Variants in ZCCHC7 observed in about 807,000 individuals in gnomAD.
ZCCHC7 encodes zinc finger CCHC-type containing 7, also known as zinc finger CCHC domain-containing protein 7.
ZCCHC7 carries 35 observed loss-of-function variants against 52.0 expected under a neutral mutation model. That is an observed-to-expected ratio of 0.67 (90% CI 0.51 to 0.89). The LOEUF (loss-of-function observed/expected upper bound fraction) is 0.89. ZCCHC7 is among the 40% of genes least tolerant of loss of function. The pLI is 0.00. For missense variants in ZCCHC7, 574 were observed against 649.1 expected, an observed-to-expected ratio of 0.88 and a Z score of 1.26; for synonymous variants, 217 against 221.5, an observed-to-expected ratio of 0.98 and a Z score of 0.18.
intron 2 of ZCCHC7, among the ~76,000 whole-genome samples, chr9:37,127,574 G>C (rs1352070934): frequency 6.6e-6 from 1 of 152,146 alleles, no homozygotes; most frequent in African/African-American, 2.4e-5. Flanking sequence ...TAGTCATCTA[G>C]TCTTAATGCT....
chr9:37,257,670 A>G (rs1237627711), intron 2 of ZCCHC7, among the ~76,000 whole-genome samples: 1 of 151,936 alleles, frequency 6.6e-6, no homozygotes, highest in Non-Finnish European at 1.5e-5. Flanking sequence ...TAATAGTAAC[A>G]GACCAAATAA....
chr9:37,262,450 T>G (rs1393961693), intron 2 of ZCCHC7, among the ~76,000 whole-genome samples: 1 of 152,218 alleles, frequency 6.6e-6, no homozygotes, highest in Non-Finnish European at 1.5e-5. Context: ...TAACTTATAC[T>G]ATTATACTTC....
intron 2 of ZCCHC7, among the ~76,000 whole-genome samples, chr9:37,204,480 T>C (rs916099856): frequency 6.6e-6 from 1 of 152,208 alleles, no homozygotes; most frequent in Non-Finnish European, 1.5e-5. Flanking sequence ...AGTTAATTTT[T>C]GTATGAAGTG....
intron 2 of ZCCHC7, among the ~76,000 whole-genome samples, chr9:37,204,899 T>G (rs1468383710): frequency 6.6e-6 from 1 of 152,242 alleles, no homozygotes. Flanking sequence ...ATTTTGCTGT[T>G]TGATCATGGG....
At chr9:37,134,142 C>T (rs1353330886) in intron 2 of ZCCHC7, among the ~76,000 whole-genome samples, 1 of 152,146 alleles carries the variant, frequency 6.6e-6, no homozygotes, top group African/African-American at 2.4e-5. Flanking sequence ...ACACTGGCTC[C>T]TAATTTTTTT....
At chr9:37,228,503 C>T (rs1314165163) in intron 2 of ZCCHC7, among the ~76,000 whole-genome samples, 1 of 151,888 alleles carries the variant, frequency 6.6e-6, no homozygotes, top group African/African-American at 2.4e-5. Flanking sequence ...CCACCTCAGC[C>T]TCCTGAGGCA....
chr9:37,200,230 T>G (rs1460093378), intron 2 of ZCCHC7, among the ~76,000 whole-genome samples: 1 of 152,190 alleles, frequency 6.6e-6, no homozygotes, highest in Non-Finnish European at 1.5e-5. Flanking sequence ...TTTTATTATC[T>G]TTCAACTCTC....
Position 37,348,419 on chromosome 9 carries a change from G to A in ZCCHC7, c.988-938G>A, listed in dbSNP as rs953960805. Among the ~76,000 whole-genome samples, 8 of 128,110 alleles carry A rather than the reference G, an allele frequency of 6.2e-5. No homozygotes were observed. The East Asian group carries it at 8.5e-4, about 14-fold the overall frequency. 84.0% of individuals were successfully genotyped at this position (128,110 alleles called of 152,430 possible). ...TTTGACATGGAGTCTCGCTTTTGTC[G>A]CTCAGGCTGGAGTGCATTGGTGCGA... On this transcript the variant is annotated intron_variant, in intron 6 of 8. Transcript: ENST00000336755.
intron 2 of ZCCHC7, among the ~76,000 whole-genome samples, chr9:37,284,873 G>A (rs1325121837): frequency 2.6e-5 from 4 of 152,190 alleles, no homozygotes; most frequent in Non-Finnish European, 5.9e-5. Flanking sequence ...AGGTTAGTAT[G>A]TATTCCCAGG....
At chr9:37,321,911 C>T (rs1830068961) in intron 5 of ZCCHC7, among the ~76,000 whole-genome samples, 3 of 152,130 alleles carry the variant, frequency 2.0e-5, no homozygotes, top group Admixed American at 2.0e-4. Flanking sequence ...ACTTAGTTTA[C>T]AATTTTCTCA....
intron 7 of ZCCHC7, among the ~76,000 whole-genome samples, chr9:37,349,828 C>G (rs1228009774): frequency 6.6e-6 from 1 of 151,822 alleles, no homozygotes; most frequent in Non-Finnish European, 1.5e-5. Flanking sequence ...TGCTCTGTTT[C>G]CCAGGCTGGA....
At position 37,144,716 on chromosome 9, in the gene ZCCHC7, TA is replaced by T. The variant is rs989308334; in HGVS notation, c.610+17775del. ...TGACATTCTATCATCCAGGTGTTAC[TA>T]TTTTATTGTTCTTTCTTGTACTTTT... On this transcript the variant is annotated intron_variant, in intron 2 of 8. Transcript: ENST00000336755. Among the ~76,000 whole-genome samples the T allele has an allele frequency of 2.0e-4, 30 of 152,138 alleles. No individual in the cohort carries two copies. The East Asian group carries it at 2.3e-3, about 12-fold the overall frequency.
At chr9:37,254,157 A>G (rs1380354107) in intron 2 of ZCCHC7, among the ~76,000 whole-genome samples, 1 of 152,044 alleles carries the variant, frequency 6.6e-6, no homozygotes, top group Non-Finnish European at 1.5e-5. Context: ...AACCAGAATA[A>G]TCACAATTTA....
intron 2 of ZCCHC7, among the ~76,000 whole-genome samples, chr9:37,251,292 T>A (rs1826318257): frequency 6.6e-6 from 1 of 152,232 alleles, no homozygotes; most frequent in Non-Finnish European, 1.5e-5. Flanking sequence ...ATCTGGCTTT[T>A]TTGTCAATGT....
At chr9:37,130,155 C>G (rs528939289) in intron 2 of ZCCHC7, among the ~76,000 whole-genome samples, 70 of 150,478 alleles carry the variant, frequency 4.7e-4, no homozygotes, top group Non-Finnish European at 8.7e-4. Context: ...AGGAGAATTG[C>G]TTGACCCAGG....
intron 2 of ZCCHC7, among the ~76,000 whole-genome samples, chr9:37,202,095 A>G (rs1423380640): frequency 6.6e-6 from 1 of 152,250 alleles, no homozygotes; most frequent in Non-Finnish European, 1.5e-5. Context: ...TCTCTGATAT[A>G]ATGCATAAAA....
chr9:37,197,513 G>A (rs1053649339), intron 2 of ZCCHC7, among the ~76,000 whole-genome samples: 1 of 152,154 alleles, frequency 6.6e-6, no homozygotes, highest in African/African-American at 2.4e-5. Context: ...GGAAGGAAAG[G>A]CACAGTGAAC....
intron 6 of ZCCHC7, among the ~76,000 whole-genome samples, chr9:37,344,042 G>A (rs1820801372): frequency 6.6e-6 from 1 of 152,176 alleles, no homozygotes; most frequent in Non-Finnish European, 1.5e-5. Context: ...GCTGGGCACA[G>A]TGGTTCAGTT....
At chr9:37,306,321 A>G (rs1829303292) in intron 5 of ZCCHC7, among the ~76,000 whole-genome samples, 1 of 151,844 alleles carries the variant, frequency 6.6e-6, no homozygotes, top group African/African-American at 2.4e-5. Flanking sequence ...TGCCCGCCTC[A>G]GCCTCCTAAA....
Sources: allele counts gnomAD v4.1 joint callset (sites outside exome capture counted in the v4.1 genomes callset), GRCh38; gene constraint gnomAD v4.1.1; transcripts MANE v1.5; gene names NCBI Gene and HGNC (gene_info 2026-07-23, HGNC 2026-07-21).